The following ZMAT4 variants were observed in gnomAD, a reference collection of about 807,000 sequenced individuals.
ZMAT4 encodes zinc finger matrin-type protein 4.
A neutral mutation model predicts 28.7 loss-of-function variants in ZMAT4; 17 were observed. The observed-to-expected ratio is 0.59, with a 90% CI of 0.41 to 0.89. The LOEUF (loss-of-function observed/expected upper bound fraction) is 0.89, where lower values mean the gene tolerates loss of function less well. ZMAT4 is among the 40% of genes least tolerant of loss of function. ZMAT4 has a pLI of 0.00. For synonymous variants in ZMAT4, 117 were observed against 109.2 expected, an observed-to-expected ratio of 1.07 and a Z score of -0.44; for missense variants, 240 against 283.8, an observed-to-expected ratio of 0.85 and a Z score of 1.11.
intron 2 of ZMAT4, among the ~76,000 whole-genome samples, chr8:40,779,109 A>G (rs1563478423): frequency 6.6e-6 from 1 of 152,128 alleles, no homozygotes; most frequent in Non-Finnish European, 1.5e-5. Context: ...AGATAATTGA[A>G]TCATGGGTGC....
At chr8:40,721,286 T>C (rs1811081197) in intron 3 of ZMAT4, among the ~76,000 whole-genome samples, 3 of 140,758 alleles carry the variant, frequency 2.1e-5, no homozygotes, top group African/African-American at 8.1e-5. Flanking sequence ...ATTTCATCCA[T>C]GTCCCTACAA....
intron 5 of ZMAT4, among the ~76,000 whole-genome samples, chr8:40,609,958 C>T (rs991118465): frequency 6.6e-6 from 1 of 152,166 alleles, no homozygotes; most frequent in Non-Finnish European, 1.5e-5. Flanking sequence ...TTTATTCTGT[C>T]CTGATATAAA....
At chr8:40,858,852 C>A (rs1434054788) in intron 1 of ZMAT4, among the ~76,000 whole-genome samples, 3 of 152,170 alleles carry the variant, frequency 2.0e-5, no homozygotes, top group African/African-American at 7.2e-5. Flanking sequence ...TCTGTCCATG[C>A]TCATTTGTAC....
intron 1 of ZMAT4, among the ~76,000 whole-genome samples, chr8:40,849,720 C>T (rs954600587): frequency 1.3e-5 from 2 of 152,140 alleles, no homozygotes; most frequent in Non-Finnish European, 2.9e-5. Flanking sequence ...TTATTATGTG[C>T]GTGTGTGTGT....
At chr8:40,632,151 G>C (rs1185657216) in intron 5 of ZMAT4, among the ~76,000 whole-genome samples, 1 of 152,138 alleles carries the variant, frequency 6.6e-6, no homozygotes, top group African/African-American at 2.4e-5. Flanking sequence ...GAATTCCTGG[G>C]GTGAAGTATT....
intron 3 of ZMAT4, among the ~76,000 whole-genome samples, chr8:40,759,505 C>G (rs941504110): frequency 6.6e-6 from 1 of 152,128 alleles, no homozygotes; most frequent in African/African-American, 2.4e-5. Context: ...CCATATGCCA[C>G]CTGAACTGCC....
chr8:40,786,765 C>T (rs1312345394), intron 2 of ZMAT4: 5 of 1,288,516 alleles, frequency 3.9e-6, no homozygotes, highest in Admixed American at 2.3e-5. Context: ...AATTCCCCTT[C>T]CTCAAGAATT....
At chr8:40,806,914 C>G (rs2150592347) in intron 2 of ZMAT4, among the ~76,000 whole-genome samples, 1 of 151,948 alleles carries the variant, frequency 6.6e-6, no homozygotes, top group South Asian at 2.1e-4. Context: ...TGTTTATCAC[C>G]AGGCTCCAAA....
intron 2 of ZMAT4, among the ~76,000 whole-genome samples, chr8:40,819,234 C>A (rs571568864): frequency 6.6e-6 from 1 of 152,232 alleles, no homozygotes; most frequent in African/African-American, 2.4e-5. Flanking sequence ...TAAAAGGGCT[C>A]TTTCACCAGT....
chr8:40,665,226 A>AC lies in ZMAT4; in HGVS notation c.577+9477_577+9478insG, dbSNP rs549501304. 1.8e-3 allele frequency among the ~76,000 whole-genome samples: 259 copies of AC among 145,596 alleles called. 3 individuals carry two copies. Among genetic ancestry groups the AC allele is most frequent in the African/African-American group, 6.2e-3 (244 of 39,490 alleles). On this transcript the variant is annotated intron_variant, in intron 5 of 6. Transcript: ENST00000297737. ...CTCAAAAAAACAAACAACAACAAAA[A>AC]AACACACACACAAAAAAAACAAAAA...
chr8:40,759,487 T>C (rs2150554316), intron 3 of ZMAT4, among the ~76,000 whole-genome samples: 1 of 152,224 alleles, frequency 6.6e-6, no homozygotes, highest in Non-Finnish European at 1.5e-5. Context: ...GTGATCTCTC[T>C]TGCTATCCCA....
At chr8:40,556,204 G>T (rs904282033) in intron 6 of ZMAT4, among the ~76,000 whole-genome samples, 1 of 151,914 alleles carries the variant, frequency 6.6e-6, no homozygotes, top group African/African-American at 2.4e-5. Flanking sequence ...TTTAACTACC[G>T]CTAGATGAGA....
chr8:40,606,151 G>C (rs1805572322), intron 5 of ZMAT4, among the ~76,000 whole-genome samples: 2 of 152,104 alleles, frequency 1.3e-5, no homozygotes, highest in African/African-American at 4.8e-5. Flanking sequence ...TTTTTTAGTG[G>C]AGCATTTAGG....
chr8:40,801,874 A>T (rs1814865330), intron 2 of ZMAT4, among the ~76,000 whole-genome samples: 1 of 152,154 alleles, frequency 6.6e-6, no homozygotes, highest in South Asian at 2.1e-4. Flanking sequence ...AAAATAAAGG[A>T]TACACCACAA....
At chr8:40,775,800 T>G (rs1040816523) in intron 2 of ZMAT4, among the ~76,000 whole-genome samples, 1 of 152,220 alleles carries the variant, frequency 6.6e-6, no homozygotes, top group African/African-American at 2.4e-5. Context: ...TGACTGTATC[T>G]GGAAGCAGGG....
chr8:40,545,747 T>C (rs1160992095), intron 6 of ZMAT4, among the ~76,000 whole-genome samples: 1 of 152,150 alleles, frequency 6.6e-6, no homozygotes, highest in Non-Finnish European at 1.5e-5. Context: ...CTTGAACTTC[T>C]AGCTTCCAGA....
chr8:40,714,216 C>T (rs920280276), intron 3 of ZMAT4, among the ~76,000 whole-genome samples: 2 of 152,068 alleles, frequency 1.3e-5, no homozygotes, highest in Admixed American at 6.5e-5. Flanking sequence ...TCTTCTTGAC[C>T]CAGAAAGTTA....
chr8:40,564,956 C>G (rs1045349660), intron 6 of ZMAT4, among the ~76,000 whole-genome samples: 1 of 152,136 alleles, frequency 6.6e-6, no homozygotes, highest in African/African-American at 2.4e-5. Flanking sequence ...TTAACAAAAT[C>G]TGACATCCAG....
intron 3 of ZMAT4, among the ~76,000 whole-genome samples, chr8:40,705,414 T>A (rs964221706): frequency 6.6e-5 from 10 of 152,268 alleles, no homozygotes; most frequent in African/African-American, 2.4e-4. Flanking sequence ...TAGAATTAGA[T>A]GACTTAGATA....
Sources: gnomAD v4.1 joint callset for allele counts (sites outside exome capture counted in the v4.1 genomes callset) on GRCh38, gnomAD v4.1.1 for gene constraint, MANE v1.5 for transcripts, NCBI Gene and HGNC (gene_info 2026-07-23, HGNC 2026-07-21) for gene names.